Variants in PLPPR1 observed in about 807,000 individuals in gnomAD.
The protein encoded by PLPPR1 is phospholipid phosphatase-related protein type 1.
A neutral mutation model predicts 33.1 loss-of-function variants in PLPPR1; 10 were observed. That is an observed-to-expected ratio of 0.30 (90% CI 0.19 to 0.51). The LOEUF (loss-of-function observed/expected upper bound fraction) is 0.51. Among genes scored for constraint, PLPPR1 ranks in the 20% least tolerant of loss-of-function variants. The pLI, the probability that PLPPR1 is intolerant of heterozygous loss-of-function variation, is 0.97. For synonymous variants in PLPPR1, 151 were observed against 151.0 expected (o/e 1.00, Z 0.00); for missense variants, 304 against 408.1 (o/e 0.74, Z 2.20).
At chr9:101,220,123 G>A (rs1219059415) in intron 2 of PLPPR1, among the ~76,000 whole-genome samples, 1 of 152,132 alleles carries the variant, frequency 6.6e-6, no homozygotes, top group Non-Finnish European at 1.5e-5. Flanking sequence ...AGGATGTAGA[G>A]CAGTATCCTT....
At chr9:101,282,317 A>ATGAT (rs112503130) in intron 3 of PLPPR1, among the ~76,000 whole-genome samples, 12,071 of 152,200 alleles carry the variant, frequency 0.079, 909 homozygotes, top group African/African-American at 0.2. Flanking sequence ...CAAAAACTAT[A>ATGAT]TATTTCAATA....
intron 2 of PLPPR1, among the ~76,000 whole-genome samples, chr9:101,214,033 G>A (rs918889277): frequency 1.3e-5 from 2 of 152,196 alleles, no homozygotes; most frequent in African/African-American, 4.8e-5. Context: ...GTGCAATTCA[G>A]TCACTCTTGA....
At chr9:101,136,288 A>T (rs1406660676) in intron 1 of PLPPR1, among the ~76,000 whole-genome samples, 1 of 152,242 alleles carries the variant, frequency 6.6e-6, no homozygotes, top group Admixed American at 6.5e-5. Context: ...TGGAAGAAAC[A>T]TATAATGTTC....
intron 2 of PLPPR1, among the ~76,000 whole-genome samples, chr9:101,261,286 C>T (rs1827895535): frequency 6.6e-6 from 1 of 152,102 alleles, no homozygotes; most frequent in Non-Finnish European, 1.5e-5. Flanking sequence ...TATCTGTCTT[C>T]CCTGACAGAA....
chr9:101,150,397 T>TTTTG (rs1253907616), intron 1 of PLPPR1, among the ~76,000 whole-genome samples: 26 of 152,316 alleles, frequency 1.7e-4, no homozygotes, highest in African/African-American at 5.5e-4. Context: ...GTTGGTGCCT[T>TTTTG]TTTGTTTATT....
intron 3 of PLPPR1, among the ~76,000 whole-genome samples, chr9:101,282,772 AAAAGT>A (rs1196782148): frequency 6.6e-6 from 1 of 152,206 alleles, no homozygotes; most frequent in African/African-American, 2.4e-5. Flanking sequence ...CTATCTGAAA[AAAAGT>A]AAATAATAAT....
intron 4 of PLPPR1, among the ~76,000 whole-genome samples, chr9:101,304,926 C>G (rs112574886): frequency 8.6e-4 from 131 of 152,252 alleles, no homozygotes; most frequent in African/African-American, 2.9e-3. Context: ...AATGCCCATG[C>G]CTGTGCCCCT....
intron 2 of PLPPR1, among the ~76,000 whole-genome samples, chr9:101,246,493 T>A (rs929522656): frequency 1.3e-5 from 2 of 152,026 alleles, no homozygotes; most frequent in Non-Finnish European, 2.9e-5. Flanking sequence ...TATTGGTAGA[T>A]ACTATTGTTT....
chr9:101,101,684 G>T (rs1197897747), intron 1 of PLPPR1, among the ~76,000 whole-genome samples: 2 of 152,112 alleles, frequency 1.3e-5, no homozygotes, highest in Admixed American at 1.3e-4. Flanking sequence ...AGATATCAAT[G>T]GACCATATGG....
chr9:101,280,520 C>G (rs1433002953), intron 3 of PLPPR1, among the ~76,000 whole-genome samples: 2 of 152,016 alleles, frequency 1.3e-5, no homozygotes, highest in East Asian at 3.8e-4. Context: ...CCCTAATGAA[C>G]ATGGTTGCAA....
At chr9:101,096,927 G>A (rs1321681983) in intron 1 of PLPPR1, among the ~76,000 whole-genome samples, 3 of 152,002 alleles carry the variant, frequency 2.0e-5, no homozygotes, top group Non-Finnish European at 4.4e-5. Flanking sequence ...TTAGCCAGAT[G>A]TGGTGGCCCA....
At chr9:101,244,948 A>G (rs1007060943) in intron 2 of PLPPR1, among the ~76,000 whole-genome samples, 2 of 152,016 alleles carry the variant, frequency 1.3e-5, no homozygotes, top group Non-Finnish European at 2.9e-5. Flanking sequence ...GGCCAACCTT[A>G]TTAGTCATTA....
At chr9:101,281,576 A>G (rs1261950202) in intron 3 of PLPPR1, among the ~76,000 whole-genome samples, 1 of 152,122 alleles carries the variant, frequency 6.6e-6, no homozygotes, top group Non-Finnish European at 1.5e-5. Context: ...AACCAATGGA[A>G]CAGAATAGAG....
chr9:101,249,521 G>T (rs1827677923), intron 2 of PLPPR1, among the ~76,000 whole-genome samples: 1 of 151,992 alleles, frequency 6.6e-6, no homozygotes, highest in Admixed American at 6.6e-5. Flanking sequence ...GAGGAGGGTG[G>T]CGCATATAGC....
chr9:101,156,811 G>A (rs1188306935), intron 1 of PLPPR1, among the ~76,000 whole-genome samples: 2 of 152,112 alleles, frequency 1.3e-5, no homozygotes, highest in Admixed American at 6.6e-5. Context: ...AATAGCTTGA[G>A]TTCAAAAACT....
chr9:101,114,947 G>T (rs376302089), intron 1 of PLPPR1, among the ~76,000 whole-genome samples: 2 of 152,132 alleles, frequency 1.3e-5, no homozygotes, highest in Non-Finnish European at 2.9e-5. Flanking sequence ...TTTGAGAGGT[G>T]GTGGAGAGGT....
intron 1 of PLPPR1, among the ~76,000 whole-genome samples, chr9:101,050,268 T>TTGA (rs1830204854): frequency 6.6e-6 from 1 of 152,152 alleles, no homozygotes; most frequent in Non-Finnish European, 1.5e-5. Flanking sequence ...TTGATTTGAT[T>TTGA]TTTCCTCAAT....
chr9:101,045,366 G>A (rs949862805), intron 1 of PLPPR1, among the ~76,000 whole-genome samples: 3 of 152,158 alleles, frequency 2.0e-5, no homozygotes, highest in Non-Finnish European at 4.4e-5. Flanking sequence ...ATTTAAGTAT[G>A]TATTAAATAT....
At chr9:101,041,208 G>A (rs898072419) in intron 1 of PLPPR1, among the ~76,000 whole-genome samples, 1 of 152,184 alleles carries the variant, frequency 6.6e-6, no homozygotes, top group Admixed American at 6.5e-5. Context: ...CTATTTCACT[G>A]TGGGACCTTC....
Sources: gnomAD v4.1 joint callset for allele counts (sites outside exome capture counted in the v4.1 genomes callset) on GRCh38, gnomAD v4.1.1 for gene constraint, MANE v1.5 for transcripts, NCBI Gene and HGNC (gene_info 2026-07-23, HGNC 2026-07-21) for gene names.